The following CACNG2 variants were observed in gnomAD, a reference collection of about 807,000 sequenced individuals.
CACNG2 encodes the protein calcium voltage-gated channel auxiliary subunit gamma 2.
Under a neutral mutation model 25.9 loss-of-function variants are expected in CACNG2, and 3 were observed. That is an observed-to-expected ratio of 0.12 (90% CI 0.05 to 0.30). The LOEUF is 0.30. Ranked by LOEUF, CACNG2 falls within the 10% of genes least tolerant of loss-of-function variation. CACNG2 has a pLI of 1.00. For missense variants in CACNG2, 341 were observed against 432.5 expected, an observed-to-expected ratio of 0.79 and a Z score of 1.88; for synonymous variants, 167 against 173.3, an observed-to-expected ratio of 0.96 and a Z score of 0.29.
chr22:36,642,413 C>G (rs776637118), intron 1 of CACNG2, among the ~76,000 whole-genome samples: 1 of 152,202 alleles, frequency 6.6e-6, no homozygotes, highest in Non-Finnish European at 1.5e-5. Flanking sequence ...AGTGCTGAAG[C>G]CTTTGGCTGT....
intron 1 of CACNG2, among the ~76,000 whole-genome samples, chr22:36,594,812 GTGTC>G (rs1465936661): frequency 6.8e-6 from 1 of 147,412 alleles, no homozygotes; most frequent in African/African-American, 2.5e-5. Context: ...GCATGGATGT[GTGTC>G]TGTGTGTGTA....
intron 1 of CACNG2, among the ~76,000 whole-genome samples, chr22:36,638,593 A>G (rs575151179): frequency 1.3e-5 from 2 of 152,164 alleles, no homozygotes; most frequent in African/African-American, 4.8e-5. Context: ...ACTTGGAGAG[A>G]GTTCTTGGCC....
intron 1 of CACNG2, among the ~76,000 whole-genome samples, chr22:36,656,983 C>A (rs1166544715): frequency 6.6e-6 from 1 of 152,170 alleles, no homozygotes; most frequent in African/African-American, 2.4e-5. Flanking sequence ...TCATGAGGGT[C>A]AGGACTTTTG....
At chr22:36,657,502 CA>C (rs1936725161) in intron 1 of CACNG2, among the ~76,000 whole-genome samples, 1 of 152,128 alleles carries the variant, frequency 6.6e-6, no homozygotes, top group Non-Finnish European at 1.5e-5. Context: ...CACGTTGCTC[CA>C]GGAGCCCGGC....
At chr22:36,599,049 G>A (rs1375478801) in intron 1 of CACNG2, among the ~76,000 whole-genome samples, 1 of 152,186 alleles carries the variant, frequency 6.6e-6, no homozygotes, top group Admixed American at 6.5e-5. Flanking sequence ...TTAGAAATGT[G>A]TGTTGAAGAA....
intron 2 of CACNG2, among the ~76,000 whole-genome samples, chr22:36,577,139 G>T (rs1300742694): frequency 6.6e-6 from 1 of 152,114 alleles, no homozygotes; most frequent in Non-Finnish European, 1.5e-5. Context: ...TAGCTCACAG[G>T]GTGCTATGAG....
Position 36,565,002 on chromosome 22 carries a change from C to T in CACNG2, c.437-116G>A, listed in dbSNP as rs980879264. On this transcript the variant is annotated intron_variant, in intron 3 of 3. Coordinates refer to ENST00000300105, the MANE Select transcript of CACNG2 (RefSeq NM_006078.5). ...GACAGCTGTGTGGGCCTTCCCCGGT[C>T]CCGCGCCTTCATGAACAGGTGGGGC... 1.2e-5 allele frequency: 11 copies of T among 882,458 alleles called. No homozygotes were observed. In the African/African-American group the frequency reaches 1.5e-4, roughly 12 times the overall value. 54.7% of individuals were successfully genotyped at this position (882,458 alleles called of 1,614,324 possible). A position where few individuals can be genotyped will look rare whatever the true frequency, so the allele number is the denominator to read the frequency against.
intron 2 of CACNG2, among the ~76,000 whole-genome samples, chr22:36,574,925 G>A (rs1269356532): frequency 1.3e-5 from 2 of 152,230 alleles, no homozygotes; most frequent in Non-Finnish European, 2.9e-5. Flanking sequence ...GCAGTTGGGT[G>A]TGCAGATGTG....
intron 1 of CACNG2, among the ~76,000 whole-genome samples, chr22:36,640,928 C>A (rs531751840): frequency 6.6e-6 from 1 of 152,126 alleles, no homozygotes; most frequent in Non-Finnish European, 1.5e-5. Context: ...CCACGCTGTT[C>A]TCTCCCATCT....
chr22:36,595,414 T>C (rs1348816599), intron 1 of CACNG2, among the ~76,000 whole-genome samples: 1 of 152,200 alleles, frequency 6.6e-6, no homozygotes, highest in African/African-American at 2.4e-5. Flanking sequence ...ATTCACACCA[T>C]GGGAACCCAC....
chr22:36,581,568 C>T (rs1935419595), intron 2 of CACNG2, among the ~76,000 whole-genome samples: 1 of 152,230 alleles, frequency 6.6e-6, no homozygotes, highest in Non-Finnish European at 1.5e-5. Flanking sequence ...TCTACATCCC[C>T]AGTCCAGCTG....
chr22:36,566,474 G>A lies in CACNG2; in HGVS notation c.315C>T (p.Ser105=), dbSNP rs754911994. The A allele has an allele frequency of 6.2e-7, 1 of 1,614,036 alleles. No individual in the cohort carries two copies. ...EYFLRAVRAS[S]IFPILSVILL... is the part of the protein sequence containing the mutation. ...GAATCACACTCAGGATTGGGAAAAT[G>A]CTGGAGGCCCTCACGGCCCCTGTGG... The change falls in exon 3 of 4, where the codon AGC becomes AGT. Residue 105 remains serine, a synonymous_variant. Transcript: ENST00000300105.
At chr22:36,658,920 C>T (rs560352931) in intron 1 of CACNG2, among the ~76,000 whole-genome samples, 16 of 152,076 alleles carry the variant, frequency 1.1e-4, no homozygotes, top group South Asian at 6.3e-4. Flanking sequence ...ACAGCAATGA[C>T]GCTGGGAGGG....
chr22:36,682,214 A>G (rs1232995761), intron 1 of CACNG2, among the ~76,000 whole-genome samples: 1 of 152,218 alleles, frequency 6.6e-6, no homozygotes, highest in Non-Finnish European at 1.5e-5. Flanking sequence ...GCAGGAGTGA[A>G]GCCAGTGAAG....
At chr22:36,652,856 C>T (rs972937348) in intron 1 of CACNG2, among the ~76,000 whole-genome samples, 2 of 152,052 alleles carry the variant, frequency 1.3e-5, no homozygotes, top group African/African-American at 4.8e-5. Flanking sequence ...ACACCCCATC[C>T]CAAGGAGGCA....
chr22:36,588,580 G>T (rs902606875), intron 1 of CACNG2, among the ~76,000 whole-genome samples: 2 of 152,216 alleles, frequency 1.3e-5, no homozygotes, highest in Admixed American at 1.3e-4. Flanking sequence ...GAAAGATTGG[G>T]TGTATGCTGG....
chr22:36,666,676 T>C (rs1006410917), intron 1 of CACNG2, among the ~76,000 whole-genome samples: 5 of 152,088 alleles, frequency 3.3e-5, no homozygotes, highest in African/African-American at 9.7e-5. Flanking sequence ...GTAAAGGCTA[T>C]GTTATGTGTA....
At chr22:36,695,243 A>G (rs1601460854) in intron 1 of CACNG2, among the ~76,000 whole-genome samples, 1 of 152,084 alleles carries the variant, frequency 6.6e-6, no homozygotes, top group Admixed American at 6.5e-5. Flanking sequence ...GAAAGGAAGG[A>G]AAAAAAGGAA....
chr22:36,624,603 T>G (rs1936155818), intron 1 of CACNG2, among the ~76,000 whole-genome samples: 2 of 152,176 alleles, frequency 1.3e-5, no homozygotes, highest in African/African-American at 4.8e-5. Context: ...CCTTTCATCT[T>G]GCTGGCCCCC....
Sources: gnomAD v4.1 joint callset for allele counts (sites outside exome capture counted in the v4.1 genomes callset) on GRCh38, gnomAD v4.1.1 for gene constraint, MANE v1.5 for transcripts, NCBI Gene and HGNC (gene_info 2026-07-23, HGNC 2026-07-21) for gene names.